Variants in FAF1 observed in about 807,000 individuals in gnomAD.
FAF1 encodes FAS-associated factor 1.
A neutral mutation model predicts 92.5 loss-of-function variants in FAF1; 25 were observed. That is an observed-to-expected ratio of 0.27 (90% CI 0.20 to 0.38). The LOEUF is 0.38. Among genes scored for constraint, FAF1 ranks in the 10% least tolerant of loss-of-function variants. FAF1 has a pLI of 1.00. For missense variants in FAF1, 636 were observed against 793.3 expected (o/e 0.80, Z 2.38); for synonymous variants, 234 against 273.2 (o/e 0.86, Z 1.42).
intron 13 of FAF1, among the ~76,000 whole-genome samples, chr1:50,551,293 T>A (rs1649299969): frequency 1.3e-5 from 2 of 152,280 alleles, no homozygotes; most frequent in South Asian, 4.1e-4. Context: ...GCACAGTATA[T>A]GGTACACAGT....
In FAF1 at chr1:50,540,829, AAC is replaced by A. The variant is rs1198625791; in HGVS notation, c.1269-1103_1269-1102del. On this transcript the variant is annotated intron_variant, in intron 13 of 18. Transcript: ENST00000396153. ...TCTGTAAAAATAATGGACTTTTAATAACACAGGTCACAAAAGGCAAAACAGTG... is the reference window on the plus strand; with the variant it reads ...TCTGTAAAAATAATGGACTTTTAATAACAGGTCACAAAAGGCAAAACAGTG... Among the ~76,000 whole-genome samples the A allele has an allele frequency of 1.7e-4, 26 of 152,346 alleles. 1 individual carries two copies. Among genetic ancestry groups the A allele is most frequent in the Admixed American group, 1.5e-3 (23 of 15,296 alleles).
At chr1:50,533,279 C>T (rs1190106119) in intron 15 of FAF1, among the ~76,000 whole-genome samples, 1 of 152,008 alleles carries the variant, frequency 6.6e-6, no homozygotes, top group Non-Finnish European at 1.5e-5. Context: ...ACCATGTTGC[C>T]CAGGCTGGTC....
chr1:50,891,234 C>T (rs1005922258), intron 1 of FAF1, among the ~76,000 whole-genome samples: 1 of 152,254 alleles, frequency 6.6e-6, no homozygotes, highest in Admixed American at 6.5e-5. Context: ...GACTTCTCTA[C>T]ATTGGTTATT....
chr1:50,485,697 CCAAAAAAA>C (rs1646759714), intron 17 of FAF1, among the ~76,000 whole-genome samples: 1 of 94,306 alleles, frequency 1.1e-5, no homozygotes, highest in South Asian at 3.5e-4. Flanking sequence ...AAAAAAAAAA[CCAAAAAAA>C]CAAAAAAACA....
At chr1:50,445,496 G>C (rs1357911982) in intron 18 of FAF1, among the ~76,000 whole-genome samples, 3 of 152,184 alleles carry the variant, frequency 2.0e-5, no homozygotes, top group African/African-American at 7.2e-5. Context: ...AAAGAAGTTG[G>C]ATGAGATGAT....
intron 4 of FAF1, among the ~76,000 whole-genome samples, chr1:50,763,528 C>A (rs563317329): frequency 6.6e-6 from 1 of 152,114 alleles, no homozygotes. Context: ...ATTTTAGGGG[C>A]TCTAATCAGA....
intron 1 of FAF1, among the ~76,000 whole-genome samples, chr1:50,866,775 G>A (rs1240199244): frequency 2.0e-5 from 3 of 151,900 alleles, no homozygotes; most frequent in African/African-American, 7.2e-5. Context: ...AAAGCAATCT[G>A]GAACTTCAAT....
At chr1:50,740,763 G>A (rs1360512017) in intron 5 of FAF1, among the ~76,000 whole-genome samples, 1 of 152,116 alleles carries the variant, frequency 6.6e-6, no homozygotes, top group Non-Finnish European at 1.5e-5. Context: ...TGGACATCCT[G>A]AAACTTTATG....
At chr1:50,457,020 C>T (rs1646360696) in intron 18 of FAF1, among the ~76,000 whole-genome samples, 1 of 152,096 alleles carries the variant, frequency 6.6e-6, no homozygotes, top group African/African-American at 2.4e-5. Flanking sequence ...AGTTACTTCC[C>T]ATTTCTGCAT....
At chr1:50,719,651 C>T (rs116545733) in intron 6 of FAF1, among the ~76,000 whole-genome samples, 1,978 of 152,142 alleles carry the variant, frequency 0.013, 43 homozygotes, top group African/African-American at 0.044. Flanking sequence ...TAGTACATGG[C>T]AAAACTGTCA....
chr1:50,463,226 G>A (rs1273855467), intron 18 of FAF1, among the ~76,000 whole-genome samples: 4 of 152,180 alleles, frequency 2.6e-5, no homozygotes, highest in Non-Finnish European at 5.9e-5. Flanking sequence ...CACATGTGTT[G>A]TCTCAAATCA....
rs766155419 is a variant in FAF1, at chr1:50,699,323, A to C, written c.657+6463T>G. On this transcript the variant is annotated intron_variant, in intron 7 of 18. Transcript: ENST00000396153. The stretch of plus-strand genomic sequence containing the variant: ...TGAACAGCTTTAAGGATAAGGAATA[A>C]CTATAAATTTGTACAAACTGGACAG... Among the ~76,000 whole-genome samples, 3 of 152,144 alleles carry C rather than the reference A, an allele frequency of 2.0e-5. No individual in the cohort carries two copies. The South Asian group carries it at 6.2e-4, about 31-fold the overall frequency.
At chr1:50,656,370 G>A (rs1350977432) in intron 7 of FAF1, among the ~76,000 whole-genome samples, 4 of 150,288 alleles carry the variant, frequency 2.7e-5, no homozygotes, top group East Asian at 2.0e-4. Flanking sequence ...AGTAGCACAC[G>A]TTATTTTTTT....
intron 1 of FAF1, among the ~76,000 whole-genome samples, chr1:50,913,281 C>T (rs952175538): frequency 6.6e-6 from 1 of 152,178 alleles, no homozygotes; most frequent in African/African-American, 2.4e-5. Flanking sequence ...CGACTTTATA[C>T]AAATACATTT....
chr1:50,691,472 C>A (rs778503947), intron 7 of FAF1, among the ~76,000 whole-genome samples: 1 of 152,124 alleles, frequency 6.6e-6, no homozygotes, highest in Non-Finnish European at 1.5e-5. Context: ...AAACTCCTGA[C>A]CTCAAGTAAT....
At chr1:50,603,577 C>G (rs991822641) in intron 8 of FAF1, among the ~76,000 whole-genome samples, 1 of 152,166 alleles carries the variant, frequency 6.6e-6, no homozygotes, top group Non-Finnish European at 1.5e-5. Context: ...CCAACCAAAG[C>G]GCAACTCTAA....
intron 1 of FAF1, among the ~76,000 whole-genome samples, chr1:50,940,549 C>T (rs1224998184): frequency 6.6e-6 from 1 of 152,208 alleles, no homozygotes; most frequent in Non-Finnish European, 1.5e-5. Flanking sequence ...CATGAGCCAA[C>T]ATGCCTGGTC....
intron 15 of FAF1, among the ~76,000 whole-genome samples, chr1:50,510,235 C>T (rs1647116926): frequency 6.6e-6 from 1 of 150,930 alleles, no homozygotes; most frequent in Admixed American, 6.6e-5. Context: ...GAAATGAAAT[C>T]AATATATCAC....
chr1:50,846,607 T>A, intron 2 of FAF1: 1 of 532,294 alleles, frequency 1.9e-6, no homozygotes, highest in Non-Finnish European at 3.7e-6. Context: ...AGTGAGCGCT[T>A]CCTTGTAAGA....
Sources: gnomAD v4.1 joint callset for allele counts (sites outside exome capture counted in the v4.1 genomes callset) on GRCh38, gnomAD v4.1.1 for gene constraint, MANE v1.5 for transcripts, NCBI Gene and HGNC (gene_info 2026-07-23, HGNC 2026-07-21) for gene names.